COLEC12: variants seen among roughly 807,000 people sequenced by gnomAD.
The protein encoded by COLEC12 is collectin-12.
In COLEC12, 33 loss-of-function variants were observed where a neutral mutation model predicts 71.1. The observed-to-expected ratio is 0.46, with a 90% CI of 0.35 to 0.62. COLEC12 has a LOEUF of 0.62. COLEC12 is among the 20% of genes least tolerant of loss of function. The pLI is 0.00. For missense variants in COLEC12, 765 were observed against 916.1 expected (o/e 0.84, Z 2.13); for synonymous variants, 350 against 353.0 (o/e 0.99, Z 0.10).
rs2143770876 is a variant in COLEC12, at chr18:480,266, CCT to C, written c.58+439_58+440del. Among the ~76,000 whole-genome samples, 1 of 152,362 alleles carries C rather than the reference CCT, an allele frequency of 6.6e-6. No homozygotes were observed. Among genetic ancestry groups the C allele is most frequent in the African/African-American group, 2.4e-5 (1 of 41,592 alleles). The stretch of plus-strand genomic sequence containing the variant: ...CCATTCCCCAGCCTGCCACAGAGCC[CCT>C]GTGTCCAGGCAGATTCTTGGAAGAA... On this transcript the variant is annotated intron_variant, in intron 2 of 9. Coordinates refer to ENST00000400256, the MANE Select transcript of COLEC12 (RefSeq NM_130386.3). This position sits in a 1 kb window ranked among gnomAD's most constrained non-coding sequence, Gnocchi z 4.1.
intron 2 of COLEC12, among the ~76,000 whole-genome samples, chr18:412,560 T>G (rs1418571621): frequency 2.6e-5 from 4 of 151,752 alleles, no homozygotes; most frequent in Non-Finnish European, 5.9e-5. Context: ...TATAGGTAAA[T>G]GCAATAGCCT....
chr18:418,649 C>T (rs1305743689), intron 2 of COLEC12, among the ~76,000 whole-genome samples: 2 of 152,192 alleles, frequency 1.3e-5, no homozygotes, highest in East Asian at 1.9e-4. Flanking sequence ...ACCAAGATGG[C>T]GATGAGAGTG....
chr18:363,935 T>C (rs1914801397), intron 2 of COLEC12, among the ~76,000 whole-genome samples: 1 of 152,186 alleles, frequency 6.6e-6, no homozygotes, highest in Admixed American at 6.5e-5. Context: ...AGGACAAGAA[T>C]TGGAAATGAA....
intron 2 of COLEC12, among the ~76,000 whole-genome samples, chr18:398,273 G>T (rs1448412290): frequency 6.6e-6 from 1 of 152,082 alleles, no homozygotes. Context: ...TAGTAGGTTT[G>T]AAAAAATTAG....
rs559346673 is a variant in COLEC12, at chr18:357,329, T to C, written c.181+71A>G. On this transcript the variant is annotated intron_variant, in intron 3 of 9. Transcript: ENST00000400256. ...ATGAAATACTTCGTATTTGCAAATA[T>C]GAGTTTTCTCATGCTTAAATTAATG... The C allele has an allele frequency of 1.3e-5, 18 of 1,432,812 alleles. No homozygotes were observed. The East Asian group carries it at 4.2e-4, about 34-fold the overall frequency. 88.8% of individuals were successfully genotyped at this position (1,432,812 alleles called of 1,614,324 possible).
At chr18:496,142 T>C (rs866079219) in intron 1 of COLEC12, among the ~76,000 whole-genome samples, 31 of 152,312 alleles carry the variant, frequency 2.0e-4, no homozygotes, top group African/African-American at 5.8e-4. Flanking sequence ...TTGCAAGAGT[T>C]GTTTTGAAAT....
intron 3 of COLEC12, among the ~76,000 whole-genome samples, chr18:349,943 A>G (rs1001174662): frequency 8.5e-5 from 13 of 152,188 alleles, no homozygotes; most frequent in African/African-American, 3.1e-4. Flanking sequence ...TTACAGGCTC[A>G]TAGGCGGAAG....
chr18:439,539 G>T (rs1296038017), intron 2 of COLEC12, among the ~76,000 whole-genome samples: 3 of 148,414 alleles, frequency 2.0e-5, no homozygotes, highest in Non-Finnish European at 4.5e-5. Flanking sequence ...TTTAAAATAA[G>T]ATTTTAAAAA....
chr18:335,363 C>T (rs7232553), intron 5 of COLEC12, 133 bp from the exon 6 acceptor site: 52,678 of 961,058 alleles, frequency 0.055, 1,592 homozygotes, highest in Middle Eastern at 0.081. Context: ...GAAAGACCAT[C>T]TGTTTATCAT....
intron 2 of COLEC12, among the ~76,000 whole-genome samples, chr18:388,586 GA>G: frequency 6.6e-6 from 1 of 152,208 alleles, no homozygotes; most frequent in East Asian, 1.9e-4. Context: ...TAAACTCCAG[GA>G]TTTTTTGTTT....
rs1449962941 is a variant in COLEC12 at position 399,813 on chromosome 18, G to A, written c.59-42291C>T. Among the ~76,000 whole-genome samples, 1 of 152,118 alleles carries A rather than the reference G, an allele frequency of 6.6e-6. No homozygotes were observed. The highest frequency in any genetic ancestry group is 1.5e-5 in the Non-Finnish European group (1 of 68,022). On this transcript the variant is annotated intron_variant, in intron 2 of 9. Transcript: ENST00000400256. The surrounding 1 kb of genome is among the most constrained non-coding windows in gnomAD (Gnocchi z 4.0). The stretch of plus-strand genomic sequence containing the variant: ...GGAAGGAGGCTGAGGGCAGATATGT[G>A]GTGAGGACTATGCTGGTGCACTTGG...
At chr18:449,700 G>T (rs1206621943) in intron 2 of COLEC12, among the ~76,000 whole-genome samples, 1 of 152,186 alleles carries the variant, frequency 6.6e-6, no homozygotes. Context: ...CAGTCCGGGC[G>T]GAGTCTGCTT....
intron 2 of COLEC12, among the ~76,000 whole-genome samples, chr18:398,139 C>T (rs111459729): frequency 0.037 from 5,587 of 152,282 alleles, 138 homozygotes; most frequent in Middle Eastern, 0.051. Flanking sequence ...AAGAAAGCAT[C>T]GAAACTATGA....
intron 2 of COLEC12, among the ~76,000 whole-genome samples, chr18:396,603 C>T (rs1915577326): frequency 6.6e-6 from 1 of 152,212 alleles, no homozygotes; most frequent in Admixed American, 6.5e-5. Flanking sequence ...AAATTTACCA[C>T]AAGGCCCTGG....
At chr18:338,269 C>G (rs1914163646) in intron 5 of COLEC12, among the ~76,000 whole-genome samples, 1 of 152,240 alleles carries the variant, frequency 6.6e-6, no homozygotes, top group Non-Finnish European at 1.5e-5. Context: ...AGACCCTTCT[C>G]CATGTCTAGC....
chr18:326,886 T>C (rs1284714161), intron 8 of COLEC12, among the ~76,000 whole-genome samples: 1 of 152,188 alleles, frequency 6.6e-6, no homozygotes. Context: ...GGCCTGTTCT[T>C]TGCTGTATCC....
chr18:335,440 C>A (rs887501967), intron 5 of COLEC12, among the ~76,000 whole-genome samples: 12 of 152,156 alleles, frequency 7.9e-5, no homozygotes, highest in African/African-American at 2.2e-4. Flanking sequence ...GTCCTAACCC[C>A]CAGCACCTCA....
intron 2 of COLEC12, among the ~76,000 whole-genome samples, chr18:467,791 A>C (rs1243895485): frequency 6.6e-6 from 1 of 151,842 alleles, no homozygotes; most frequent in Non-Finnish European, 1.5e-5. Flanking sequence ...TTACAGCCAA[A>C]TGGAAAACCA....
At chr18:454,964 T>A (rs28579834) in intron 2 of COLEC12, among the ~76,000 whole-genome samples, 7,408 of 152,294 alleles carry the variant, frequency 0.049, 606 homozygotes, top group African/African-American at 0.17. Context: ...AATTTTGAGT[T>A]TTATTTTCAA....
Sources: allele counts gnomAD v4.1 joint callset (sites outside exome capture counted in the v4.1 genomes callset), GRCh38; gene constraint gnomAD v4.1.1; non-coding constraint Gnocchi (gnomAD v3.1); transcripts MANE v1.5; gene names NCBI Gene and HGNC (gene_info 2026-07-23, HGNC 2026-07-21).